Variants in ZBTB16 observed in about 807,000 individuals in gnomAD.
ZBTB16 encodes zinc finger and BTB domain-containing protein 16.
In ZBTB16, 8 loss-of-function variants were observed where a neutral mutation model predicts 56.8. The ratio of observed to expected loss-of-function variants is 0.14; its 90% CI spans 0.08 to 0.25. The LOEUF (loss-of-function observed/expected upper bound fraction) is 0.25. ZBTB16 is among the 10% of genes least tolerant of loss of function. The pLI is 1.00. For missense variants in ZBTB16, 625 were observed against 903.0 expected (o/e 0.69, Z 3.95); for synonymous variants, 363 against 368.5 (o/e 0.98, Z 0.17).
intron 2 of ZBTB16, among the ~76,000 whole-genome samples, chr11:114,109,298 G>C (rs1401116307): frequency 6.6e-6 from 1 of 152,238 alleles, no homozygotes; most frequent in Non-Finnish European, 1.5e-5. Context: ...TAGCTGGTCT[G>C]TGGTGAGTGA....
chr11:114,193,251 G>A (rs1310655963), intron 4 of ZBTB16, among the ~76,000 whole-genome samples: 1 of 152,172 alleles, frequency 6.6e-6, no homozygotes, highest in African/African-American at 2.4e-5. Context: ...TAAAGATTGA[G>A]TAAACTGAGC....
At chr11:114,244,967 A>G (rs1311220540) in intron 5 of ZBTB16, among the ~76,000 whole-genome samples, 3 of 152,138 alleles carry the variant, frequency 2.0e-5, no homozygotes, top group Non-Finnish European at 4.4e-5. Context: ...TTATACCTTA[A>G]TGAGGATACT....
Position 114,064,003 on chromosome 11 carries a change from C to T in ZBTB16, c.703C>T (p.His235Tyr). 6.2e-7 allele frequency: 1 copy of T among 1,613,252 alleles called. No homozygotes were observed. The highest frequency in any genetic ancestry group is 8.5e-7 in the Non-Finnish European group (1 of 1,179,676). The change falls in exon 2 of 7, where the codon CAC becomes TAC. Residue 235 changes from histidine to tyrosine, a missense_variant. His to Tyr is a moderately conservative substitution (Grantham distance 83). Around this residue, in one of 6 missense-constraint regions of ZBTB16, gnomAD observed 384 missense variants for 393.5 expected, o/e 0.98. Coordinates refer to ENST00000335953, the MANE Select transcript of ZBTB16 (RefSeq NM_006006.6). The surrounding 1 kb of genome is among the most constrained non-coding windows in gnomAD (Gnocchi z 4.2). ...EEPTLAGGGR[H>Y]PGVAEVKTEM... ...GCCAACTCTGGCTGGGGGTGGGCGG[C>T]ACCCTGGGGTGGCTGAGGTGAAGAC...
chr11:114,247,023 G>GAAGACAGGTA, intron 5 of ZBTB16, 175 bp from the exon 6 acceptor site: 2 of 748,556 alleles, frequency 2.7e-6, no homozygotes, highest in Non-Finnish European at 4.5e-6. Flanking sequence ...GGTCATGTGT[G>GAAGACAGGTA]AAGACAGGTA....
intron 4 of ZBTB16, among the ~76,000 whole-genome samples, chr11:114,207,579 TAC>T (rs1285333569): frequency 1.1e-4 from 16 of 139,976 alleles, no homozygotes; most frequent in Non-Finnish European, 1.8e-4. Context: ...GTTTGCCTGA[TAC>T]ACACACACAA....
chr11:114,067,917 A>G (rs2137664332), intron 2 of ZBTB16, among the ~76,000 whole-genome samples: 1 of 151,516 alleles, frequency 6.6e-6, no homozygotes, highest in South Asian at 2.1e-4. Flanking sequence ...TCTCCCCCTC[A>G]CCCTCAAAAC....
intron 2 of ZBTB16, among the ~76,000 whole-genome samples, chr11:114,074,978 T>C (rs1436412717): frequency 6.6e-6 from 1 of 152,172 alleles, no homozygotes; most frequent in Non-Finnish European, 1.5e-5. Flanking sequence ...GGCTGTGCAG[T>C]GACAGAGCCG....
intron 2 of ZBTB16, among the ~76,000 whole-genome samples, chr11:114,098,451 T>G (rs780647465): frequency 4.6e-5 from 7 of 152,148 alleles, no homozygotes; most frequent in Non-Finnish European, 1.0e-4. Context: ...CTTTCCCACT[T>G]AATGTAACTA....
At chr11:114,155,323 A>C (rs529981565) in intron 2 of ZBTB16, among the ~76,000 whole-genome samples, 1 of 152,296 alleles carries the variant, frequency 6.6e-6, no homozygotes, top group African/African-American at 2.4e-5. Flanking sequence ...TGGGCCTGAC[A>C]ACAGGAGTGT....
intron 4 of ZBTB16, among the ~76,000 whole-genome samples, chr11:114,208,745 A>G (rs1334658957): frequency 6.6e-6 from 1 of 152,212 alleles, no homozygotes; most frequent in East Asian, 1.9e-4. Context: ...AATGCTGTAC[A>G]AGAGCAAGTT....
chr11:114,130,058 G>C (rs960260076), intron 2 of ZBTB16, among the ~76,000 whole-genome samples: 2 of 152,246 alleles, frequency 1.3e-5, no homozygotes, highest in Admixed American at 6.5e-5. Context: ...CCTAGAGAGA[G>C]ACAGGATGCC....
rs142983642 is a variant in ZBTB16, at chr11:114,159,678, G to A, written c.1366+3244G>A. 7.5e-3 allele frequency among the ~76,000 whole-genome samples: 1,145 copies of A among 152,118 alleles called. 9 individuals are homozygous for A. The highest frequency in any genetic ancestry group is 0.017 in the Middle Eastern group (5 of 294). On this transcript the variant is annotated intron_variant, in intron 3 of 6. Coordinates refer to ENST00000335953, the MANE Select transcript of ZBTB16 (RefSeq NM_006006.6). ...TCAGAGGGCTGGGCTGGTGGCGCTGGGTCTTCTTACAGATTCCAGTAGTGG... is the reference window on the plus strand; with the variant it reads ...TCAGAGGGCTGGGCTGGTGGCGCTGAGTCTTCTTACAGATTCCAGTAGTGG...
intron 2 of ZBTB16, among the ~76,000 whole-genome samples, chr11:114,138,877 GA>G (rs1321720785): frequency 6.6e-6 from 1 of 151,858 alleles, no homozygotes; most frequent in African/African-American, 2.4e-5. Context: ...TTTTAGTAGA[GA>G]TGGGGTTTCA....
At chr11:114,114,276 T>C (rs1390073005) in intron 2 of ZBTB16, among the ~76,000 whole-genome samples, 3 of 152,252 alleles carry the variant, frequency 2.0e-5, no homozygotes, top group Admixed American at 2.0e-4. Flanking sequence ...GTAGGAAATT[T>C]ACAAGCGATG....
rs189164167 is a variant in ZBTB16 at position 114,253,578 on chromosome 11, C to T, written c.*3023C>T. Among the ~76,000 whole-genome samples, 17 of 152,340 alleles carry T rather than the reference C, an allele frequency of 1.1e-4. No individual in the cohort carries two copies. The highest frequency in any genetic ancestry group is 1.9e-4 in the East Asian group (1 of 5,184). On this transcript the variant is annotated 3_prime_UTR_variant, in exon 7 of 7. Coordinates refer to ENST00000335953, the MANE Select transcript of ZBTB16 (RefSeq NM_006006.6). ...AGCACCTGGATGCCCCACCCAACCCCGTGGGCCCTGCAGACCCCAGTAGGG... is the reference window on the plus strand; with the variant it reads ...AGCACCTGGATGCCCCACCCAACCCTGTGGGCCCTGCAGACCCCAGTAGGG...
intron 3 of ZBTB16, among the ~76,000 whole-genome samples, chr11:114,169,913 G>A (rs1442111318): frequency 6.6e-6 from 1 of 152,164 alleles, no homozygotes; most frequent in Non-Finnish European, 1.5e-5. Flanking sequence ...AAGAACTTCT[G>A]TGAGCTAGAA....
intron 4 of ZBTB16, among the ~76,000 whole-genome samples, chr11:114,201,937 G>A (rs61904685): frequency 0.13 from 19,449 of 152,292 alleles, 1,522 homozygotes; most frequent in East Asian, 0.21. Context: ...CTCATTCTGT[G>A]TATGGAAGGA....
chr11:114,174,200 G>A (rs1014667841), intron 3 of ZBTB16, among the ~76,000 whole-genome samples: 6 of 152,148 alleles, frequency 3.9e-5, no homozygotes, highest in Admixed American at 2.6e-4. Flanking sequence ...AGGCTCTGTC[G>A]GATAGACAGT....
intron 3 of ZBTB16, among the ~76,000 whole-genome samples, chr11:114,158,590 C>A (rs991956879): frequency 2.0e-5 from 3 of 152,202 alleles, no homozygotes; most frequent in African/African-American, 7.2e-5. Flanking sequence ...ATGGACTTAT[C>A]TCTCTTACTT....
Sources: gnomAD v4.1 joint callset for allele counts (sites outside exome capture counted in the v4.1 genomes callset) on GRCh38, gnomAD v4.1.1 for gene constraint, gnomAD v4.1.1 regional missense constraint, Gnocchi (gnomAD v3.1) non-coding constraint, MANE v1.5 for transcripts, NCBI Gene and HGNC (gene_info 2026-07-23, HGNC 2026-07-21) for gene names.